The following ABCC8 variants were observed in gnomAD, a reference collection of about 807,000 sequenced individuals.
The protein encoded by ABCC8 is ATP binding cassette subfamily C member 8.
Under a neutral mutation model 188.0 loss-of-function variants are expected in ABCC8, and 137 were observed. The ratio of observed to expected loss-of-function variants is 0.73; its 90% CI spans 0.63 to 0.84. ABCC8 has a LOEUF of 0.84. Ranked by LOEUF, ABCC8 falls within the 40% of genes least tolerant of loss-of-function variation. The pLI, the probability that ABCC8 is intolerant of heterozygous loss-of-function variation, is 0.00. For missense variants in ABCC8, 1,750 were observed against 2,072.7 expected (o/e 0.84, Z 3.02); for synonymous variants, 797 against 846.5 (o/e 0.94, Z 1.01).
intron 10 of ABCC8, among the ~76,000 whole-genome samples, chr11:17,435,496 A>G (rs1288925028): frequency 6.6e-6 from 1 of 152,176 alleles, no homozygotes; most frequent in African/African-American, 2.4e-5. Flanking sequence ...AGAAAACTAG[A>G]CCCTTTTCCA....
At chr11:17,398,472 A>G (rs1248606872) in intron 29 of ABCC8, 31 bp from the exon 30 acceptor site, 3 of 1,613,266 alleles carry the variant, frequency 1.9e-6, no homozygotes, top group East Asian at 2.2e-5. Flanking sequence ...TCCTAAGGGA[A>G]CAGTGTTGGT....
chr11:17,406,497 G>C, intron 26 of ABCC8, 125 bp downstream of exon 26: 4 of 1,054,624 alleles, frequency 3.8e-6, no homozygotes, highest in Non-Finnish European at 4.1e-6. Context: ...TACACACACT[G>C]TCTCCTTGAG....
At chr11:17,472,432 G>A (rs1848533125) in intron 2 of ABCC8, among the ~76,000 whole-genome samples, 1 of 152,202 alleles carries the variant, frequency 6.6e-6, no homozygotes, top group Non-Finnish European at 1.5e-5. Context: ...ACAGGTTTAA[G>A]ATGGCTTAAT....
At chr11:17,425,383 A>G (rs1955535222) in intron 16 of ABCC8, among the ~76,000 whole-genome samples, 1 of 152,224 alleles carries the variant, frequency 6.6e-6, no homozygotes. Context: ...CATTGGGCCC[A>G]AAGTCTTTCT....
chr11:17,439,522 A>C (rs909367921), intron 10 of ABCC8, among the ~76,000 whole-genome samples: 4 of 152,124 alleles, frequency 2.6e-5, no homozygotes, highest in African/African-American at 9.7e-5. Flanking sequence ...GGAAGTCCAG[A>C]GGAGGTAAAT....
intron 20 of ABCC8, chr11:17,413,061 A>G: frequency 1.6e-6 from 1 of 610,250 alleles, no homozygotes. Context: ...CTGTTCGTCT[A>G]AGCTTGTGGA....
chr11:17,423,909 A>T (rs1955465520), intron 16 of ABCC8, among the ~76,000 whole-genome samples: 1 of 152,218 alleles, frequency 6.6e-6, no homozygotes, highest in Non-Finnish European at 1.5e-5. Context: ...TCTGCCATTT[A>T]ACAGCTGGGT....
chr11:17,430,036 A>G (rs1380289985), intron 12 of ABCC8: 2 of 152,662 alleles, frequency 1.3e-5, no homozygotes, highest in African/African-American at 4.8e-5. Context: ...CTGAAGACAC[A>G]GAGGACATTT....
chr11:17,458,046 C>T (rs972441252), intron 6 of ABCC8, among the ~76,000 whole-genome samples: 2 of 152,298 alleles, frequency 1.3e-5, no homozygotes, highest in Non-Finnish European at 2.9e-5. Flanking sequence ...TAAATGATCC[C>T]TTTCCCCCAT....
At chr11:17,396,505 G>T (rs1454643688) in intron 33 of ABCC8, 4 of 303,436 alleles carry the variant, frequency 1.3e-5, no homozygotes, top group Middle Eastern at 2.3e-3. Flanking sequence ...AACGAGAGGA[G>T]AGCTGGGCCA....
At position 17,393,710 on chromosome 11, in the gene ABCC8, A is replaced by G. The variant is rs1053035713; in HGVS notation, c.4595T>C (p.Val1532Ala). The part of the protein sequence containing the change: ...VVMTAFADRT[V>A]VTIAHRVHTI... ...TGGGCCCCTTACCGCGATGGTGACC[A>G]CAGTGCGGTCTGCGAAGGCTGTCAT... is the stretch of plus-strand genomic sequence containing the variant. The change falls in exon 38 of 39, where the codon GTG becomes GCG. Residue 1532 changes from valine (V) to alanine (A), a missense_variant. Coordinates refer to ENST00000389817, the MANE Select transcript of ABCC8 (RefSeq NM_000352.6). 29 of 1,614,206 alleles carry G rather than the reference A, an allele frequency of 1.8e-5. No individual in the cohort carries two copies. Among genetic ancestry groups the G allele is most frequent in the Non-Finnish European group, 2.5e-5 (29 of 1,180,014 alleles).
intron 8 of ABCC8, among the ~76,000 whole-genome samples, chr11:17,446,185 C>G (rs58329874): frequency 6.6e-5 from 10 of 151,964 alleles, no homozygotes; most frequent in Non-Finnish European, 1.2e-4. Context: ...AGGCTGGTCT[C>G]GAACTCCTGA....
At chr11:17,460,086 C>T (rs1261637884) in intron 6 of ABCC8, among the ~76,000 whole-genome samples, 1 of 152,194 alleles carries the variant, frequency 6.6e-6, no homozygotes, top group Non-Finnish European at 1.5e-5. Flanking sequence ...AGCTCAAGTG[C>T]CAGCCTTTAC....
chr11:17,429,757 C>T (rs1429806717), intron 12 of ABCC8: 3 of 152,124 alleles, frequency 2.0e-5, no homozygotes, highest in South Asian at 2.1e-4. Context: ...TCTTCAGACC[C>T]CACAACACCC....
chr11:17,415,475 TG>T, intron 17 of ABCC8, 136 bp from the exon 18 acceptor site: 2 of 1,530,258 alleles, frequency 1.3e-6, no homozygotes, highest in Non-Finnish European at 1.8e-6. Flanking sequence ...CCACAAATGC[TG>T]CATAGAGAGG....
At chr11:17,428,118 G>T (rs1308645009) in intron 14 of ABCC8, 171 bp downstream of exon 14, 1 of 1,565,108 alleles carries the variant, frequency 6.4e-7, no homozygotes, top group Non-Finnish European at 8.7e-7. Flanking sequence ...CTTGCCTAAG[G>T]CTGGGGGTCC....
intron 10 of ABCC8, chr11:17,436,005 G>T (rs1019477133): frequency 8.4e-5 from 127 of 1,515,624 alleles, no homozygotes; most frequent in Non-Finnish European, 1.1e-4. Flanking sequence ...GAGACCAACT[G>T]TAGATAGTGA....
At chr11:17,448,831 T>C in intron 7 of ABCC8, 160 bp from the exon 8 acceptor site, 1 of 561,080 alleles carries the variant, frequency 1.8e-6, no homozygotes, top group Admixed American at 6.3e-5. Flanking sequence ...TCCAACTTAC[T>C]AGTCTACTCC....
chr11:17,442,885 G>A lies in ABCC8; in HGVS notation c.1468-3C>T, dbSNP rs1375366869. The A allele has an allele frequency of 1.1e-5, 18 of 1,611,776 alleles. No individual in the cohort carries two copies. The highest frequency in any genetic ancestry group is 2.7e-5 in the African/African-American group (2 of 74,896). Reference sequence around the variant, plus strand: ...TTCAGCCGCTCATTGGAATACTCCTGCAGGGGTCCCCGAGTCAGAGGGGAG... The same window carrying A: ...TTCAGCCGCTCATTGGAATACTCCTACAGGGGTCCCCGAGTCAGAGGGGAG... On this transcript the variant is annotated splice_region_variant and splice_polypyrimidine_tract_variant and intron_variant, in intron 9 of 38. Coordinates refer to ENST00000389817, the MANE Select transcript of ABCC8 (RefSeq NM_000352.6).
Sources: gnomAD v4.1 joint callset for allele counts (sites outside exome capture counted in the v4.1 genomes callset) on GRCh38, gnomAD v4.1.1 for gene constraint, MANE v1.5 for transcripts, NCBI Gene and HGNC (gene_info 2026-07-23, HGNC 2026-07-21) for gene names.